The following UTRN variants were observed in gnomAD, a reference collection of about 807,000 sequenced individuals.
UTRN encodes utrophin.
Under a neutral mutation model 463.9 loss-of-function variants are expected in UTRN, and 283 were observed. The observed-to-expected ratio is 0.61, with a 90% CI of 0.55 to 0.67. The LOEUF (loss-of-function observed/expected upper bound fraction) is 0.67, where lower values mean the gene tolerates loss of function less well. UTRN is among the 30% of genes least tolerant of loss of function. UTRN has a pLI of 0.00. For missense variants in UTRN, 3,922 were observed against 4,084.3 expected, an observed-to-expected ratio of 0.96 and a Z score of 1.08; for synonymous variants, 1,442 against 1,431.5, an observed-to-expected ratio of 1.01 and a Z score of -0.17.
At chr6:144,551,659 T>C (rs1798929763) in intron 48 of UTRN, among the ~76,000 whole-genome samples, 1 of 152,308 alleles carries the variant, frequency 6.6e-6, no homozygotes, top group Admixed American at 6.5e-5. Context: ...GCATCTAGGT[T>C]CTACAAACCC....
At chr6:144,651,403 GAA>G (rs1278833390) in intron 51 of UTRN, among the ~76,000 whole-genome samples, 1 of 152,162 alleles carries the variant, frequency 6.6e-6, no homozygotes, top group East Asian at 1.9e-4. Flanking sequence ...ATTCTACACA[GAA>G]AAATCAAGGT....
intron 2 of UTRN, among the ~76,000 whole-genome samples, chr6:144,310,579 G>A (rs1435808283): frequency 6.7e-6 from 1 of 148,636 alleles, no homozygotes; most frequent in Non-Finnish European, 1.5e-5. Flanking sequence ...GTGCATGCCT[G>A]TGGTCCCAGC....
chr6:144,459,949 G>A (rs953801681), intron 21 of UTRN, among the ~76,000 whole-genome samples: 2 of 151,170 alleles, frequency 1.3e-5, no homozygotes, highest in Non-Finnish European at 2.9e-5. Flanking sequence ...AAAATACCAG[G>A]GATAACAGGT....
At chr6:144,484,955 C>A (rs892078314) in intron 27 of UTRN, among the ~76,000 whole-genome samples, 1 of 151,932 alleles carries the variant, frequency 6.6e-6, no homozygotes. Context: ...TGCTCTGTTG[C>A]CCAGGCTGGA....
intron 53 of UTRN, among the ~76,000 whole-genome samples, chr6:144,711,633 A>G (rs1586156684): frequency 6.6e-6 from 1 of 152,366 alleles, no homozygotes; most frequent in East Asian, 1.9e-4. Context: ...CATTTTCATA[A>G]CAATGTAAAT....
At chr6:144,817,771 A>G (rs1451299697) in intron 65 of UTRN, among the ~76,000 whole-genome samples, 2 of 152,178 alleles carry the variant, frequency 1.3e-5, no homozygotes, top group Admixed American at 1.3e-4. Context: ...TATTGCATAA[A>G]GTTTATGGCA....
At chr6:144,533,643 C>T (rs184178793) in intron 43 of UTRN, among the ~76,000 whole-genome samples, 3 of 152,096 alleles carry the variant, frequency 2.0e-5, no homozygotes, top group East Asian at 1.9e-4. Context: ...CTTAGTAATA[C>T]GTCTCACTAA....
At chr6:144,807,609 C>G (rs1254905628) in intron 65 of UTRN, among the ~76,000 whole-genome samples, 1 of 152,086 alleles carries the variant, frequency 6.6e-6, no homozygotes, top group Admixed American at 6.6e-5. Context: ...ATGTCCAAAT[C>G]CCACCTTCTC....
At chr6:144,481,903 A>G (rs549772430) in intron 26 of UTRN, among the ~76,000 whole-genome samples, 2 of 152,346 alleles carry the variant, frequency 1.3e-5, no homozygotes, top group South Asian at 2.1e-4. Context: ...ACTAAAAAAT[A>G]TGAAAATTAG....
intron 69 of UTRN, among the ~76,000 whole-genome samples, chr6:144,834,986 G>A (rs546602199): frequency 1.3e-5 from 2 of 152,274 alleles, no homozygotes; most frequent in East Asian, 3.9e-4. Flanking sequence ...CCAGGAGATT[G>A]GTATTTGCAC....
intron 48 of UTRN, among the ~76,000 whole-genome samples, chr6:144,552,055 T>G (rs1441962222): frequency 1.3e-5 from 2 of 152,218 alleles, no homozygotes; most frequent in Non-Finnish European, 2.9e-5. Flanking sequence ...TTCCATAGAT[T>G]GTGAATATCC....
intron 35 of UTRN, among the ~76,000 whole-genome samples, chr6:144,511,339 A>G (rs1795148409): frequency 6.6e-6 from 1 of 152,198 alleles, no homozygotes; most frequent in Non-Finnish European, 1.5e-5. Flanking sequence ...CATGATCTGC[A>G]TGGAATGAGG....
At position 144,786,669 on chromosome 6, in the gene UTRN, T is replaced by G. The variant is rs145381145; in HGVS notation, c.8835-2525T>G. Among the ~76,000 whole-genome samples the G allele has an allele frequency of 2.6e-3, 401 of 152,252 alleles. 2 individuals are homozygous for G. The highest frequency in any genetic ancestry group is 8.8e-3 in the African/African-American group (365 of 41,532). ...CTGTGATACTCTATGTTCTCCTACT[T>G]GGGACTGTCATGGCATGACATACCT... is the stretch of plus-strand genomic sequence containing the variant. On this transcript the variant is annotated intron_variant, in intron 61 of 74. Coordinates refer to ENST00000367545, the MANE Select transcript of UTRN (RefSeq NM_007124.3).
chr6:144,769,838 A>G (rs1195668927), intron 58 of UTRN, among the ~76,000 whole-genome samples: 1 of 152,182 alleles, frequency 6.6e-6, no homozygotes, highest in Non-Finnish European at 1.5e-5. Flanking sequence ...CTGGGAGCCC[A>G]TGATGCCTTA....
At chr6:144,303,948 T>G (rs2114539538) in intron 2 of UTRN, among the ~76,000 whole-genome samples, 1 of 152,326 alleles carries the variant, frequency 6.6e-6, no homozygotes, top group South Asian at 2.1e-4. Context: ...AAATTAAAAA[T>G]AAATTAGGAG....
At chr6:144,563,853 T>C (rs572658734) in intron 50 of UTRN, among the ~76,000 whole-genome samples, 256 of 152,316 alleles carry the variant, frequency 1.7e-3, no homozygotes, top group African/African-American at 5.8e-3. Flanking sequence ...AATGTCTTTG[T>C]GATAAATGCC....
intron 2 of UTRN, among the ~76,000 whole-genome samples, chr6:144,389,031 C>T (rs1024612224): frequency 7.2e-4 from 109 of 152,256 alleles, no homozygotes; most frequent in African/African-American, 2.4e-3. Flanking sequence ...GTGACACAGC[C>T]TCAGGAGGTC....
At chr6:144,734,480 G>A (rs1474317117) in intron 54 of UTRN, among the ~76,000 whole-genome samples, 2 of 151,928 alleles carry the variant, frequency 1.3e-5, no homozygotes, top group Non-Finnish European at 2.9e-5. Context: ...GCCCCCTCCC[G>A]TCACCCTGAG....
At chr6:144,748,157 T>A in intron 54 of UTRN, 89 bp from the exon 55 acceptor site, 1 of 1,457,566 alleles carries the variant, frequency 6.9e-7, no homozygotes, top group Non-Finnish European at 9.1e-7. Flanking sequence ...TCTCCGTATT[T>A]CTCAGTAACG....
Sources: gnomAD v4.1 joint callset for allele counts (sites outside exome capture counted in the v4.1 genomes callset) on GRCh38, gnomAD v4.1.1 for gene constraint, MANE v1.5 for transcripts, NCBI Gene and HGNC (gene_info 2026-07-23, HGNC 2026-07-21) for gene names.